The following EPHA6 variants were observed in gnomAD, a reference collection of about 807,000 sequenced individuals.
EPHA6 encodes the protein ephrin type-A receptor 6.
EPHA6 carries 50 observed loss-of-function variants against 112.0 expected under a neutral mutation model. The ratio of observed to expected loss-of-function variants is 0.45; its 90% CI spans 0.36 to 0.56. The LOEUF is 0.56. EPHA6 is among the 20% of genes least tolerant of loss of function. The pLI, the probability that EPHA6 is intolerant of heterozygous loss-of-function variation, is 0.00. For synonymous variants in EPHA6, 529 were observed against 490.7 expected, an observed-to-expected ratio of 1.08 and a Z score of -1.03; for missense variants, 1,280 against 1,417.4, an observed-to-expected ratio of 0.90 and a Z score of 1.56.
chr3:97,665,201 A>G (rs1259773116), intron 14 of EPHA6, among the ~76,000 whole-genome samples: 1 of 152,226 alleles, frequency 6.6e-6, no homozygotes, highest in African/African-American at 2.4e-5. Context: ...CAAACCTGAC[A>G]AAAACAAGAA....
intron 3 of EPHA6, among the ~76,000 whole-genome samples, chr3:97,136,621 C>CA (rs1168296684): frequency 6.6e-6 from 1 of 151,986 alleles, no homozygotes; most frequent in Non-Finnish European, 1.5e-5. Flanking sequence ...CCCAGCAACT[C>CA]AAGAGGTTGA....
chr3:96,831,888 C>A (rs1466138330), intron 1 of EPHA6, among the ~76,000 whole-genome samples: 1 of 152,008 alleles, frequency 6.6e-6, no homozygotes, highest in East Asian at 1.9e-4. Flanking sequence ...ATGTAGGCAT[C>A]CGGAATTATT....
intron 15 of EPHA6, among the ~76,000 whole-genome samples, chr3:97,724,635 C>T (rs1418788648): frequency 1.3e-5 from 2 of 151,932 alleles, no homozygotes; most frequent in African/African-American, 2.4e-5. Context: ...GGTGTGGTGG[C>T]GCACACCTAC....
chr3:97,195,705 G>A (rs953356237), intron 3 of EPHA6, among the ~76,000 whole-genome samples: 3 of 151,918 alleles, frequency 2.0e-5, no homozygotes, highest in African/African-American at 4.8e-5. Context: ...GCTTTTGTTT[G>A]TCTGGGAAAG....
intron 2 of EPHA6, among the ~76,000 whole-genome samples, chr3:96,962,533 C>T (rs1317243915): frequency 1.4e-5 from 2 of 147,894 alleles, no homozygotes; most frequent in African/African-American, 2.5e-5. Flanking sequence ...AACTAGATAA[C>T]ATTCTGAGCC....
At chr3:97,625,262 A>G (rs561432480) in intron 13 of EPHA6, among the ~76,000 whole-genome samples, 5 of 151,676 alleles carry the variant, frequency 3.3e-5, no homozygotes, top group Admixed American at 6.6e-5. Flanking sequence ...AGTAGTCACT[A>G]AGTATTTTCT....
intron 2 of EPHA6, among the ~76,000 whole-genome samples, chr3:96,947,361 G>A (rs1313083795): frequency 3.9e-5 from 6 of 152,172 alleles, no homozygotes; most frequent in Admixed American, 3.3e-4. Context: ...TTTTGTATAA[G>A]GCATAAGGAA....
intron 16 of EPHA6, among the ~76,000 whole-genome samples, chr3:97,738,725 A>G (rs2035376417): frequency 6.6e-6 from 1 of 152,084 alleles, no homozygotes; most frequent in Admixed American, 6.6e-5. Context: ...GGTGCTTTAT[A>G]TAAACTTGGC....
chr3:96,826,843 G>T (rs1177814920), intron 1 of EPHA6, among the ~76,000 whole-genome samples: 1 of 151,890 alleles, frequency 6.6e-6, no homozygotes, highest in South Asian at 2.1e-4. Flanking sequence ...GCACACATTG[G>T]TCGGTAGGCA....
intron 5 of EPHA6, among the ~76,000 whole-genome samples, chr3:97,255,558 T>G (rs1163577227): frequency 6.6e-6 from 1 of 152,212 alleles, no homozygotes; most frequent in African/African-American, 2.4e-5. Context: ...ATCCATAAAA[T>G]GAAATCTATG....
At chr3:97,456,219 A>G (rs1021606977) in intron 7 of EPHA6, among the ~76,000 whole-genome samples, 2 of 152,138 alleles carry the variant, frequency 1.3e-5, no homozygotes, top group Non-Finnish European at 2.9e-5. Context: ...GGAAGTTTTT[A>G]CAAGATCAGG....
In EPHA6 at chr3:97,679,551, A is replaced by T. The variant is rs568805465; in HGVS notation, c.2785-40710A>T. Among the ~76,000 whole-genome samples the T allele has an allele frequency of 1.0e-3, 159 of 152,306 alleles. 1 individual carries two copies. The Middle Eastern group carries it at 0.017, about 16-fold the overall frequency. On this transcript the variant is annotated intron_variant, in intron 14 of 17. Coordinates refer to ENST00000389672, the MANE Select transcript of EPHA6 (RefSeq NM_001080448.3). ...TATAATATGGCACATGCTTAATGAA[A>T]GAATCATTAACGGGAATATAATTAG...
rs556466643 is a variant in EPHA6 at position 97,619,926 on chromosome 3, C to T, written c.2574+9072C>T. Among the ~76,000 whole-genome samples the T allele has an allele frequency of 4.6e-5, 7 of 152,110 alleles. No individual in the cohort carries two copies. The East Asian group carries it at 7.7e-4, about 17-fold the overall frequency. On this transcript the variant is annotated intron_variant, in intron 13 of 17. Coordinates refer to ENST00000389672, the MANE Select transcript of EPHA6 (RefSeq NM_001080448.3). The stretch of plus-strand genomic sequence containing the variant: ...AACTAGAAAAAACTATTTTAACATT[C>T]GTATGGAACCAACAAAGAACCCAAG...
At chr3:97,306,395 A>C (rs1568745) in intron 5 of EPHA6, among the ~76,000 whole-genome samples, 34,000 of 151,084 alleles carry the variant, frequency 0.23, 9,020 homozygotes, top group African/African-American at 0.63. Context: ...TTAAGGCACA[A>C]TACAAGTACT....
chr3:96,892,216 T>C (rs1219477830), intron 2 of EPHA6, among the ~76,000 whole-genome samples: 1 of 151,846 alleles, frequency 6.6e-6, no homozygotes, highest in Non-Finnish European at 1.5e-5. Flanking sequence ...CATTATTTGG[T>C]TTTTTGTTCG....
At chr3:96,996,370 A>T (rs2043423045) in intron 3 of EPHA6, among the ~76,000 whole-genome samples, 2 of 152,090 alleles carry the variant, frequency 1.3e-5, no homozygotes, top group African/African-American at 2.4e-5. Context: ...AGATGTTCTT[A>T]ATGGTATCTA....
intron 5 of EPHA6, among the ~76,000 whole-genome samples, chr3:97,265,171 TG>T (rs1246625362): frequency 6.6e-6 from 1 of 152,078 alleles, no homozygotes; most frequent in Non-Finnish European, 1.5e-5. Flanking sequence ...TGGGCAGCCA[TG>T]AGTGGGCCCA....
intron 3 of EPHA6, among the ~76,000 whole-genome samples, chr3:97,170,535 G>A (rs1341063973): frequency 1.3e-5 from 2 of 152,160 alleles, no homozygotes; most frequent in Non-Finnish European, 1.5e-5. Flanking sequence ...TCAGGAGCTC[G>A]AGACCAGCAT....
At chr3:96,823,378 GT>G (rs2033418053) in intron 1 of EPHA6, among the ~76,000 whole-genome samples, 2 of 151,718 alleles carry the variant, frequency 1.3e-5, no homozygotes, top group Non-Finnish European at 3.0e-5. Context: ...GATTCTATTT[GT>G]TAAGGATTCT....
Sources: allele counts gnomAD v4.1 joint callset (sites outside exome capture counted in the v4.1 genomes callset), GRCh38; gene constraint gnomAD v4.1.1; transcripts MANE v1.5; gene names NCBI Gene and HGNC (gene_info 2026-07-23, HGNC 2026-07-21).